DNAH8: variants seen among roughly 807,000 people sequenced by gnomAD.
DNAH8 encodes axonemal beta dynein heavy chain 8.
Under a neutral mutation model 562.1 loss-of-function variants are expected in DNAH8, and 382 were observed. That is an observed-to-expected ratio of 0.68 (90% CI 0.63 to 0.74). The LOEUF (loss-of-function observed/expected upper bound fraction) is 0.74. Ranked by LOEUF, DNAH8 falls within the 30% of genes least tolerant of loss-of-function variation. The probability of loss-of-function intolerance (pLI) is 0.00; values close to 1 mark genes in which losing one functional copy is unlikely to be tolerated. For synonymous variants in DNAH8, 1,881 were observed against 1,919.4 expected (o/e 0.98, Z 0.52); for missense variants, 5,203 against 5,620.4 (o/e 0.93, Z 2.37).
intron 75 of DNAH8, 111 bp downstream of exon 75, chr6:38,929,777 T>C (rs1782418039): frequency 9.6e-7 from 1 of 1,038,320 alleles, no homozygotes; most frequent in East Asian, 2.7e-5. Context: ...CATCTACTTA[T>C]CTTATTGAGC....
rs1299748911 is a variant in DNAH8, at chr6:38,973,601, T to C, written c.12526-60T>C. On this transcript the variant is annotated intron_variant, in intron 83 of 92. Transcript: ENST00000327475. ...TTTTAAAAAAAGTGCACATTTTGTT[T>C]TATTAAAATCATAGCAAAAAGGTTA... 5.7e-6 allele frequency: 8 copies of C among 1,400,780 alleles called. No homozygotes were observed. The African/African-American group carries it at 1.2e-4, about 21-fold the overall frequency. The allele number at this position is 1,400,780 out of a possible 1,614,324, so 86.8% of individuals were successfully genotyped here.
intron 77 of DNAH8, 95 bp from the exon 78 acceptor site, chr6:38,937,879 A>T: frequency 6.9e-7 from 1 of 1,442,922 alleles, no homozygotes. Context: ...CATCAAGTTG[A>T]AAGCTAACAG....
chr6:38,746,431 C>T (rs960303248), intron 8 of DNAH8, among the ~76,000 whole-genome samples: 8 of 152,054 alleles, frequency 5.3e-5, no homozygotes, highest in African/African-American at 1.9e-4. Flanking sequence ...CAGCACTTCT[C>T]CAAGGATCCT....
intron 59 of DNAH8, 61 bp downstream of exon 59, chr6:38,894,925 A>AT (rs893220657): frequency 2.7e-5 from 39 of 1,454,632 alleles, no homozygotes; most frequent in African/African-American, 1.0e-4. Context: ...TACTTGGTTA[A>AT]TTTTTTTTAT....
chr6:39,008,925 T>C lies in DNAH8; in HGVS notation c.13326T>C (p.Ser4442=). The C allele has an allele frequency of 6.2e-7, 1 of 1,611,576 alleles. No individual in the cohort carries two copies. Among genetic ancestry groups the C allele is most frequent in the Non-Finnish European group, 8.5e-7 (1 of 1,177,806 alleles). ...GGGAGGCTATTGTTTATAGATTATC[T>C]GAAGATATGCTGAGTAAACTCCCTC... is the stretch of plus-strand genomic sequence containing the variant. ...ETREAIVYRL[S]EDMLSKLPPD... is the part of the protein sequence containing the mutation. Residue 4442 remains serine (S), a synonymous_variant, in exon 89 of 93, where the codon TCT becomes TCC. Coordinates refer to ENST00000327475, the MANE Select transcript of DNAH8 (RefSeq NM_001206927.2).
intron 7 of DNAH8, among the ~76,000 whole-genome samples, chr6:38,740,274 G>A (rs967600389): frequency 1.3e-5 from 2 of 152,128 alleles, no homozygotes; most frequent in African/African-American, 4.8e-5. Context: ...TTCATTGAAT[G>A]TGTACATGAA....
At chr6:39,014,800 C>T (rs1054072723) in intron 91 of DNAH8, among the ~76,000 whole-genome samples, 5 of 152,160 alleles carry the variant, frequency 3.3e-5, no homozygotes, top group African/African-American at 1.2e-4. Flanking sequence ...GGGAATGAGG[C>T]TGGAGTATGA....
At chr6:39,012,723 A>G (rs1766303258) in intron 91 of DNAH8, 86 bp downstream of exon 91, 4 of 1,031,538 alleles carry the variant, frequency 3.9e-6, no homozygotes, top group Non-Finnish European at 6.0e-6. Flanking sequence ...ACCATATAAA[A>G]CAATATGGAG....
In DNAH8 at chr6:38,834,614, A is replaced by G. The variant is rs1378610140; in HGVS notation, c.4338A>G (p.Glu1446=). The G allele has an allele frequency of 6.2e-7, 1 of 1,608,198 alleles. No individual in the cohort carries two copies. The highest frequency in any genetic ancestry group is 8.5e-7 in the Non-Finnish European group (1 of 1,177,104). ...TGGTTCCAAATATACCACCCCAAGAAGCTAGCAACAGGCTACAGATATTTC... is the reference window on the plus strand; with the variant it reads ...TGGTTCCAAATATACCACCCCAAGAGGCTAGCAACAGGCTACAGATATTTC... ...GPMVPNIPPQ[E]ASNRLQIFQA... is the part of the protein sequence containing the mutation. Residue 1446 remains glutamate (E), a synonymous_variant, in exon 32 of 93, where the codon GAA becomes GAG. Transcript: ENST00000327475.
At chr6:38,737,701 T>C (rs1764204391) in intron 6 of DNAH8, 108 bp from the exon 7 acceptor site, 2 of 433,388 alleles carry the variant, frequency 4.6e-6, no homozygotes, top group Non-Finnish European at 6.9e-6. Flanking sequence ...TTTTAACACA[T>C]TGACATTAAA....
chr6:38,911,466 A>G lies in DNAH8; in HGVS notation c.9741-2A>G. 3 of 1,602,594 alleles carry G rather than the reference A, an allele frequency of 1.9e-6. No homozygotes were observed. Among genetic ancestry groups the G allele is most frequent in the South Asian group, 1.1e-5 (1 of 90,816 alleles). On this transcript the variant is annotated splice_acceptor_variant, in intron 65 of 92. Coordinates refer to ENST00000327475, the MANE Select transcript of DNAH8 (RefSeq NM_001206927.2). LOFTEE classifies it high-confidence loss of function. ...ATGGTCCTTTTAATGTTCTGCTTTC[A>G]GATACCGCCGAAGAGCACATGTGAC... is the stretch of plus-strand genomic sequence containing the variant.
intron 21 of DNAH8, among the ~76,000 whole-genome samples, chr6:38,800,598 C>T (rs2092551): frequency 0.33 from 50,841 of 152,046 alleles, 9,208 homozygotes; most frequent in Admixed American, 0.41. Context: ...CTCACTGCAA[C>T]CTCTGCCTCC....
At position 38,799,132 on chromosome 6, in the gene DNAH8, G is replaced by C. The variant is rs111936782; in HGVS notation, c.2902-4047G>C. ...TGGTTGGCAGGACATGGAGTGTCTG[G>C]CAATATGGCTTTGATGGAGTGACAG... On this transcript the variant is annotated intron_variant, in intron 21 of 92. Coordinates refer to ENST00000327475, the MANE Select transcript of DNAH8 (RefSeq NM_001206927.2). 3.9e-3 allele frequency among the ~76,000 whole-genome samples: 590 copies of C among 152,278 alleles called. 9 individuals carry two copies. Among genetic ancestry groups the C allele is most frequent in the African/African-American group, 0.014 (571 of 41,554 alleles).
chr6:38,734,393 C>G lies in DNAH8; in HGVS notation c.611-81C>G, dbSNP rs74904743. Reference sequence around the variant, plus strand: ...TCTTACAATAAAGTAAAACAGGAAACAATAGTGTAAGAGCCACAGTAACTT... The same window carrying G: ...TCTTACAATAAAGTAAAACAGGAAAGAATAGTGTAAGAGCCACAGTAACTT... On this transcript the variant is annotated intron_variant, in intron 4 of 92. Coordinates refer to ENST00000327475, the MANE Select transcript of DNAH8 (RefSeq NM_001206927.2). The G allele has an allele frequency of 0.2, 282,851 of 1,437,794 alleles. 27,443 individuals are homozygous for G. The highest frequency in any genetic ancestry group is 0.2 in the Middle Eastern group (823 of 4,094). The allele number at this position is 1,437,794 out of a possible 1,614,324, so 89.1% of individuals were successfully genotyped here. A position where few individuals can be genotyped will look rare whatever the true frequency, so the allele number is the denominator to read the frequency against.
intron 88 of DNAH8, among the ~76,000 whole-genome samples, chr6:38,998,555 A>G (rs954329677): frequency 1.3e-5 from 2 of 152,184 alleles, no homozygotes; most frequent in Non-Finnish European, 2.9e-5. Context: ...GACACTTTTG[A>G]GATTTAGATT....
intron 26 of DNAH8, among the ~76,000 whole-genome samples, chr6:38,817,365 C>A (rs1772379783): frequency 6.6e-6 from 1 of 152,004 alleles, no homozygotes; most frequent in South Asian, 2.1e-4. Flanking sequence ...AACAAAAACA[C>A]CCCCAAGATA....
At chr6:38,832,503 T>A (rs951935162) in intron 31 of DNAH8, 68 bp downstream of exon 31, 16 of 1,013,384 alleles carry the variant, frequency 1.6e-5, no homozygotes, top group Non-Finnish European at 2.3e-5. Flanking sequence ...ATGAAAGTGA[T>A]GAACCCTGAG....
rs1763495916 is a variant in DNAH8 at position 38,973,781 on chromosome 6, C to G, written c.12646C>G (p.Pro4216Ala). 1.2e-6 allele frequency: 2 copies of G among 1,606,278 alleles called. No homozygotes were observed. Among genetic ancestry groups the G allele is most frequent in the African/African-American group, 2.7e-5 (2 of 74,332 alleles). ...TTTCCGAGTATGGATAACTACGGAG[C>G]CCCATGATCGATTTCCAATTACATT... ...DSFRVWITTEPHDRFPITLLQ... is the reference protein window; with the variant it reads ...DSFRVWITTEAHDRFPITLLQ... The change falls in exon 84 of 93, where the codon CCC becomes GCC. Residue 4216 changes from proline to alanine, a missense_variant. Physicochemically the swap from Pro to Ala is conservative, Grantham distance 27. This residue lies in a region of DNAH8 where 1,399 missense variants were observed against 1,518.4 expected (regional missense o/e 0.92). Transcript: ENST00000327475.
chr6:38,887,538 T>A (rs1779022939), intron 57 of DNAH8, among the ~76,000 whole-genome samples: 1 of 152,072 alleles, frequency 6.6e-6, no homozygotes, highest in Non-Finnish European at 1.5e-5. Context: ...AGACCCCATT[T>A]CTACAAAAAA....
Sources: allele counts gnomAD v4.1 joint callset (sites outside exome capture counted in the v4.1 genomes callset), GRCh38; gene constraint gnomAD v4.1.1; regional missense constraint gnomAD v4.1.1; transcripts MANE v1.5; gene names NCBI Gene and HGNC (gene_info 2026-07-23, HGNC 2026-07-21).